The following TRIM64C variants were observed in gnomAD, a reference collection of about 807,000 sequenced individuals.
TRIM64C encodes tripartite motif containing 64C.
In TRIM64C, 25 loss-of-function variants were observed where a neutral mutation model predicts 36.1. The observed-to-expected ratio is 0.69, with a 90% CI of 0.51 to 0.97. TRIM64C has a LOEUF of 0.97. Ranked by LOEUF, TRIM64C falls within the 50% of genes least tolerant of loss-of-function variation. TRIM64C has a pLI of 0.00. For synonymous variants in TRIM64C, 212 were observed against 185.7 expected (o/e 1.14, Z -1.15); for missense variants, 489 against 536.8 (o/e 0.91, Z 0.88).
intron 3 of TRIM64C, 133 bp from the exon 4 acceptor site, chr11:49,056,514 A>T (rs1168779677): frequency 5.2e-6 from 4 of 766,816 alleles, no homozygotes; most frequent in Non-Finnish European, 6.4e-6. Context: ...GGAATCATTC[A>T]AGGCTATGTT....
chr11:49,056,819 G>T (rs939183275), intron 3 of TRIM64C, among the ~76,000 whole-genome samples: 2 of 151,898 alleles, frequency 1.3e-5, no homozygotes, highest in African/African-American at 4.9e-5. Flanking sequence ...GGACATCAGA[G>T]AGTGAGGAGG....
chr11:49,055,165 T>C, intron 5 of TRIM64C, 145 bp downstream of exon 5: 2 of 944,586 alleles, frequency 2.1e-6, no homozygotes, highest in Non-Finnish European at 3.1e-6. Flanking sequence ...AATATTACTA[T>C]GCAGGTAGAG....
rs751375522 is a variant in TRIM64C at position 49,054,093 on chromosome 11, A to G, written c.974T>C (p.Val325Ala). Residue 325 changes from valine to alanine, a missense_variant, in exon 6 of 6, where the codon GTG becomes GCG. By Grantham distance (64) the Val-to-Ala change is moderately conservative. Coordinates refer to ENST00000617704, the MANE Select transcript of TRIM64C (RefSeq NM_001206631.1). ...HRSAPMDPQG[V>A]ESFAVWCAQA... is the part of the protein sequence containing the mutation. Reference sequence around the variant, plus strand: ...CGCACACCACACAGCAAAGCTCTCCACTCCTTGGGGATCCATGGGTGCACT... The same window carrying G: ...CGCACACCACACAGCAAAGCTCTCCGCTCCTTGGGGATCCATGGGTGCACT... 26 of 1,551,238 alleles carry G rather than the reference A, an allele frequency of 1.7e-5. No homozygotes were observed. Among genetic ancestry groups the G allele is most frequent in the Non-Finnish European group, 2.2e-5 (25 of 1,146,808 alleles).
chr11:49,056,510 A>G, intron 3 of TRIM64C, 129 bp from the exon 4 acceptor site: 4 of 776,722 alleles, frequency 5.1e-6, no homozygotes, highest in Non-Finnish European at 6.3e-6. Flanking sequence ...CTAAGGAATC[A>G]TTCAAGGCTA....
rs34650085 is a variant in TRIM64C, at chr11:49,055,411, C to CA, written c.762-5dup. On this transcript the variant is annotated splice_region_variant and splice_polypyrimidine_tract_variant and intron_variant, in intron 4 of 5. Transcript: ENST00000617704. Reference sequence around the variant, plus strand: ...TGGCATCTGTGCCAAATCAGTTCTGCAAAAAAAAAATGGCCTCAGTTATAT... The same window carrying CA: ...TGGCATCTGTGCCAAATCAGTTCTGCAAAAAAAAAAATGGCCTCAGTTATAT... The CA allele has an allele frequency of 0.03, 34,198 of 1,149,602 alleles. 5 individuals carry two copies. Among genetic ancestry groups the CA allele is most frequent in the Admixed American group, 0.045 (1,846 of 41,122 alleles). The allele number at this position is 1,149,602 out of a possible 1,614,324, so 71.2% of individuals were successfully genotyped here.
At chr11:49,058,242 A>G in intron 1 of TRIM64C, 70 bp from the exon 2 acceptor site, 1 of 1,087,306 alleles carries the variant, frequency 9.2e-7, no homozygotes, top group Non-Finnish European at 1.3e-6. Context: ...AATAAAAAAA[A>G]GGCCGTAATT....
rs968437058 is a variant in TRIM64C at position 49,058,854 on chromosome 11, T to A, written c.259A>T (p.Ser87Cys). ...ARQTRPQNIN[S>C]SDNICVLHEE... ...TGGAGCACACAGATATTGTCTGAGCTGTTGATGTTCTGAGGTCTGGTCTGT... is the reference window on the plus strand; with the variant it reads ...TGGAGCACACAGATATTGTCTGAGCAGTTGATGTTCTGAGGTCTGGTCTGT... The change falls in exon 1 of 6, where the codon AGC (serine) becomes TGC (cysteine). Residue 87 changes from serine (S) to cysteine (C), a missense_variant. Physicochemically the swap from Ser to Cys is moderately radical, Grantham distance 112. Coordinates refer to ENST00000617704, the MANE Select transcript of TRIM64C (RefSeq NM_001206631.1). 89 of 1,549,452 alleles carry A rather than the reference T, an allele frequency of 5.7e-5. No individual in the cohort carries two copies. Among genetic ancestry groups the A allele is most frequent in the Non-Finnish European group, 7.5e-5 (86 of 1,146,896 alleles).
chr11:49,057,316 G>T lies in TRIM64C; in HGVS notation c.570C>A (p.Leu190=), dbSNP rs546082510. 1.2e-5 allele frequency: 19 copies of T among 1,549,638 alleles called. 1 individual carries two copies. The African/African-American group carries it at 2.5e-4, about 20-fold the overall frequency. Residue 190 remains leucine, a synonymous_variant, in exon 3 of 6, where the codon CTC becomes CTA. Transcript: ENST00000617704. The part of the protein sequence containing the change: ...TIQYQKMHIF[L]DEEEQRHLQA... ...GCAGATGCCGTTGCTCCTCCTCATC[G>T]AGAAATATATGCATCTTTTGATACT... is the stretch of plus-strand genomic sequence containing the variant.
In TRIM64C at chr11:49,057,284, AG is replaced by A; in HGVS notation, c.601del (p.Leu201TrpfsTer17). ...GAAAAGCTCTTTTGCTTCTCTTTCC[AG>A]TGCCTGCAGATGCCGTTGCTCCTCC... ...DEEEQRHLQA[L>X]EREAKELFQQ... On this transcript the variant is annotated frameshift_variant, in exon 3 of 6. Transcript: ENST00000617704. LOFTEE classifies it high-confidence loss of function. 9 of 1,549,748 alleles carry A rather than the reference AG, an allele frequency of 5.8e-6. No homozygotes were observed. Among genetic ancestry groups the A allele is most frequent in the African/African-American group, 5.5e-5 (4 of 72,680 alleles).
At chr11:49,058,262 ATAAAT>A (rs1186190280) in intron 1 of TRIM64C, 90 bp from the exon 2 acceptor site, 5 of 941,290 alleles carry the variant, frequency 5.3e-6, no homozygotes, top group Non-Finnish European at 7.7e-6. Context: ...TGAAAGAAAC[ATAAAT>A]TAAGTTAGAG....
chr11:49,056,383 T>C lies in TRIM64C; in HGVS notation c.739-2A>G. The C allele has an allele frequency of 6.5e-7, 1 of 1,540,744 alleles. No homozygotes were observed. The highest frequency in any genetic ancestry group is 8.8e-7 in the Non-Finnish European group (1 of 1,139,730). On this transcript the variant is annotated splice_acceptor_variant, in intron 3 of 5. Transcript: ENST00000617704. LOFTEE classifies it high-confidence loss of function. ...CCTTGCCGATATATTTCCCACATCC[T>C]GCAAAAAAAATAAAATGTAATGTTA...
In TRIM64C at chr11:49,055,977, C is replaced by G. The variant is rs942150914; in HGVS notation, c.761+382G>C. ...TTGATGCTTTTAGGAACAAAACATC[C>G]CGCCTCAGCCCATCCTTAGGGAATA... On this transcript the variant is annotated intron_variant, in intron 4 of 5. Coordinates refer to ENST00000617704, the MANE Select transcript of TRIM64C (RefSeq NM_001206631.1). 5.9e-5 allele frequency among the ~76,000 whole-genome samples: 9 copies of G among 151,786 alleles called. No homozygotes were observed. The Middle Eastern group carries it at 0.01, about 174-fold the overall frequency.
intron 5 of TRIM64C, among the ~76,000 whole-genome samples, chr11:49,054,822 T>A (rs1219040826): frequency 2.0e-5 from 3 of 152,226 alleles, no homozygotes; most frequent in Non-Finnish European, 4.4e-5. Context: ...ATGAGATGTT[T>A]CTGATGGCAT....
chr11:49,057,050 A>T (rs1366268032), intron 3 of TRIM64C, 98 bp downstream of exon 3: 3 of 1,384,026 alleles, frequency 2.2e-6, no homozygotes, highest in Non-Finnish European at 3.0e-6. Flanking sequence ...TGTGTCACTT[A>T]GCTTAGAGCA....
chr11:49,057,360 T>C lies in TRIM64C; in HGVS notation c.526A>G (p.Lys176Glu), dbSNP rs768284742. 26 of 1,549,804 alleles carry C rather than the reference T, an allele frequency of 1.7e-5. No homozygotes were observed. Among genetic ancestry groups the C allele is most frequent in the Middle Eastern group, 4.6e-4 (2 of 4,366 alleles). Residue 176 changes from lysine to glutamate, a missense_variant, in exon 3 of 6, where the codon AAG becomes GAG. Physicochemically the swap from Lys to Glu is moderately conservative, Grantham distance 56. Coordinates refer to ENST00000617704, the MANE Select transcript of TRIM64C (RefSeq NM_001206631.1). ...CSLVDYVSLRKVIITIQYQKM... is the reference protein window; with the variant it reads ...CSLVDYVSLREVIITIQYQKM... ...TGATACTGAATAGTGATTATCACCT[T>C]CCTTAATGACACATAGTCCTGCAGA...
intron 3 of TRIM64C, among the ~76,000 whole-genome samples, chr11:49,056,687 T>C (rs371353843): frequency 7.2e-5 from 11 of 151,840 alleles, no homozygotes; most frequent in African/African-American, 2.7e-4. Flanking sequence ...ACATGACAAC[T>C]ATTAAAACAA....
In TRIM64C at chr11:49,058,101, T is replaced by C. The variant is rs1386711212; in HGVS notation, c.484A>G (p.Thr162Ala). The change falls in exon 2 of 6, where the codon ACT becomes GCT. Residue 162 changes from threonine to alanine, a missense_variant. Thr to Ala is a moderately conservative substitution (Grantham distance 58). Transcript: ENST00000617704. The stretch of plus-strand genomic sequence containing the variant: ...ACCACTAATGAACAAAATTTGCTAG[T>C]TTCCTGATTTAGATTGTTTTGTGTC... Reference protein sequence around the residue: ...QETQNNLNQETSKFCSLVDYV... With the variant: ...QETQNNLNQEASKFCSLVDYV... 2.6e-6 allele frequency: 4 copies of C among 1,527,436 alleles called. No homozygotes were observed. The highest frequency in any genetic ancestry group is 2.6e-6 in the Non-Finnish European group (3 of 1,143,648). The allele number at this position is 1,527,436 out of a possible 1,614,324, so 94.6% of individuals were successfully genotyped here. A position where few individuals can be genotyped will look rare whatever the true frequency, so the allele number is the denominator to read the frequency against.
chr11:49,054,140 C>T lies in TRIM64C; in HGVS notation c.927G>A (p.Val309=), dbSNP rs1266907273. ...CACTGCGATGGTCATCTCCAAATAT[C>T]ACACGTCTCACATCCTCAGAAAGGC... The part of the protein sequence containing the change: ...YISLSEDVRR[V]IFGDDHRSAP... Residue 309 remains valine (V), a synonymous_variant, in exon 6 of 6, where the codon GTG becomes GTA. Transcript: ENST00000617704. The T allele has an allele frequency of 1.3e-6, 2 of 1,551,464 alleles. No individual in the cohort carries two copies. The highest frequency in any genetic ancestry group is 2.7e-5 in the African/African-American group (2 of 73,028).
intron 1 of TRIM64C, among the ~76,000 whole-genome samples, chr11:49,058,387 T>C (rs1228892404): frequency 6.6e-6 from 1 of 151,878 alleles, no homozygotes; most frequent in Middle Eastern, 3.2e-3. Context: ...GATAATATCA[T>C]CAATTTTCTG....
Sources: allele counts gnomAD v4.1 joint callset (sites outside exome capture counted in the v4.1 genomes callset), GRCh38; gene constraint gnomAD v4.1.1; transcripts MANE v1.5; gene names NCBI Gene and HGNC (gene_info 2026-07-23, HGNC 2026-07-21).